CDH4: variants seen among roughly 807,000 people sequenced by gnomAD.
The protein encoded by CDH4 is cadherin-4.
In CDH4, 33 loss-of-function variants were observed where a neutral mutation model predicts 86.0. The observed-to-expected ratio is 0.38, with a 90% CI of 0.29 to 0.51. The LOEUF is 0.51. CDH4 is among the 20% of genes least tolerant of loss of function. The probability of loss-of-function intolerance (pLI) is 0.86; values close to 1 mark genes in which losing one functional copy is unlikely to be tolerated. For missense variants in CDH4, 1,114 were observed against 1,307.4 expected (o/e 0.85, Z 2.28); for synonymous variants, 555 against 549.4 (o/e 1.01, Z -0.14).
At chr20:61,282,282 C>T (rs1344087474) in intron 2 of CDH4, among the ~76,000 whole-genome samples, 1 of 152,180 alleles carries the variant, frequency 6.6e-6, no homozygotes, top group Admixed American at 6.5e-5. Flanking sequence ...TCATTTGAAC[C>T]TGGAAGACGG....
chr20:61,300,218 A>G (rs1339006475), intron 2 of CDH4, among the ~76,000 whole-genome samples: 2 of 152,118 alleles, frequency 1.3e-5, no homozygotes, highest in African/African-American at 4.8e-5. Flanking sequence ...CAGTGGGGTC[A>G]GGTGCCAGGG....
chr20:61,538,882 C>T (rs534591452), intron 2 of CDH4, among the ~76,000 whole-genome samples: 1 of 152,196 alleles, frequency 6.6e-6, no homozygotes, highest in Non-Finnish European at 1.5e-5. Context: ...TCTTAGGAGG[C>T]TCTGATGTTT....
chr20:61,794,642 C>T (rs1309683440), intron 4 of CDH4, among the ~76,000 whole-genome samples: 1 of 152,232 alleles, frequency 6.6e-6, no homozygotes, highest in Admixed American at 6.5e-5. Flanking sequence ...GCTTCTGCTA[C>T]AATAGCACAT....
At chr20:61,773,217 T>C in intron 4 of CDH4, 35 bp downstream of exon 4, 1 of 1,494,856 alleles carries the variant, frequency 6.7e-7, no homozygotes, top group Non-Finnish European at 9.0e-7. Flanking sequence ...CACGGGGGTC[T>C]CGGCGTTAGC....
intron 2 of CDH4, among the ~76,000 whole-genome samples, chr20:61,679,211 C>T (rs1408774244): frequency 6.6e-6 from 1 of 152,198 alleles, no homozygotes; most frequent in Non-Finnish European, 1.5e-5. Flanking sequence ...TCTCTGTCTC[C>T]TCATGGCCTT....
intron 2 of CDH4, among the ~76,000 whole-genome samples, chr20:61,583,942 T>G (rs539739958): frequency 8.5e-4 from 129 of 152,300 alleles, no homozygotes; most frequent in African/African-American, 2.5e-3. Context: ...GTGGATTGCT[T>G]GAGGCCAGGA....
intron 2 of CDH4, among the ~76,000 whole-genome samples, chr20:61,396,115 T>C (rs1441714900): frequency 1.3e-5 from 2 of 152,200 alleles, no homozygotes; most frequent in Non-Finnish European, 2.9e-5. Context: ...TCTTATGCTA[T>C]GACAGCAGCA....
In CDH4 at chr20:61,316,112, C is replaced by A. The variant is rs143173399; in HGVS notation, c.169+61175C>A. Among the ~76,000 whole-genome samples the A allele has an allele frequency of 1.8e-4, 27 of 152,290 alleles. No homozygotes were observed. The East Asian group carries it at 5.2e-3, about 29-fold the overall frequency. ...CAGTTTTCCTAATTCACGTCCTCCTCTTCCTCCTGGGTGCTGTTGGCAAGT... is the reference window on the plus strand; with the variant it reads ...CAGTTTTCCTAATTCACGTCCTCCTATTCCTCCTGGGTGCTGTTGGCAAGT... On this transcript the variant is annotated intron_variant, in intron 2 of 15. Transcript: ENST00000614565.
intron 2 of CDH4, among the ~76,000 whole-genome samples, chr20:61,622,465 G>A (rs2086786477): frequency 6.6e-6 from 1 of 152,266 alleles, no homozygotes; most frequent in Non-Finnish European, 1.5e-5. Context: ...GTCAGGACAT[G>A]ATGGAGCTTG....
intron 6 of CDH4, among the ~76,000 whole-genome samples, chr20:61,859,271 C>T (rs866519081): frequency 1.7e-4 from 26 of 152,276 alleles, no homozygotes; most frequent in South Asian, 6.2e-4. Context: ...GTTGAGTTTT[C>T]GGAATTCTTT....
chr20:61,448,430 C>A (rs550178004), intron 2 of CDH4, among the ~76,000 whole-genome samples: 1 of 152,342 alleles, frequency 6.6e-6, no homozygotes, highest in Non-Finnish European at 1.5e-5. Flanking sequence ...TACTCGCACC[C>A]AACAGAGTAC....
intron 4 of CDH4, among the ~76,000 whole-genome samples, chr20:61,793,107 C>T (rs556481360): frequency 4.6e-5 from 7 of 152,116 alleles, no homozygotes; most frequent in Non-Finnish European, 8.8e-5. Flanking sequence ...GGATTACAAG[C>T]GCCTGCCACT....
chr20:61,320,762 A>G (rs2123241130), intron 2 of CDH4, among the ~76,000 whole-genome samples: 1 of 151,994 alleles, frequency 6.6e-6, no homozygotes, highest in South Asian at 2.1e-4. Flanking sequence ...AGCCAAGCAG[A>G]TGAAGAGGCA....
chr20:61,481,080 G>A (rs2085565614), intron 2 of CDH4, among the ~76,000 whole-genome samples: 1 of 152,186 alleles, frequency 6.6e-6, no homozygotes, highest in African/African-American at 2.4e-5. Context: ...TCTAGGCAGT[G>A]ACCATCCTTG....
intron 2 of CDH4, among the ~76,000 whole-genome samples, chr20:61,667,543 G>A (rs1031279950): frequency 1.3e-5 from 2 of 152,220 alleles, no homozygotes; most frequent in Non-Finnish European, 2.9e-5. Context: ...GCGCCCAGAC[G>A]GCCCCACTGC....
intron 3 of CDH4, among the ~76,000 whole-genome samples, chr20:61,762,397 C>G (rs1345204157): frequency 6.6e-6 from 1 of 152,178 alleles, no homozygotes; most frequent in Non-Finnish European, 1.5e-5. Context: ...TCTTCAATAC[C>G]CACTGTTCAC....
At chr20:61,775,639 G>A (rs113839059) in intron 4 of CDH4, among the ~76,000 whole-genome samples, 4 of 152,284 alleles carry the variant, frequency 2.6e-5, no homozygotes, top group South Asian at 2.1e-4. Context: ...ACACTTTTCC[G>A]AAACTCAAGA....
chr20:61,873,622 C>G, intron 6 of CDH4, 106 bp from the exon 7 acceptor site: 1 of 1,259,596 alleles, frequency 7.9e-7, no homozygotes. Context: ...TCCGCTACGC[C>G]AGACTCACGG....
At chr20:61,739,426 G>A (rs879338508) in intron 2 of CDH4, among the ~76,000 whole-genome samples, 7 of 152,212 alleles carry the variant, frequency 4.6e-5, no homozygotes, top group African/African-American at 1.7e-4. Context: ...GTCCTGGGGC[G>A]GGAGACACGG....
Sources: gnomAD v4.1 joint callset for allele counts (sites outside exome capture counted in the v4.1 genomes callset) on GRCh38, gnomAD v4.1.1 for gene constraint, MANE v1.5 for transcripts, NCBI Gene and HGNC (gene_info 2026-07-23, HGNC 2026-07-21) for gene names.